The following CNTNAP5 variants were observed in gnomAD, a reference collection of about 807,000 sequenced individuals.
CNTNAP5 encodes contactin associated protein family member 5, also known as contactin-associated protein-like 5.
CNTNAP5 carries 72 observed loss-of-function variants against 150.2 expected under a neutral mutation model. The ratio of observed to expected loss-of-function variants is 0.48; its 90% CI spans 0.40 to 0.58. The LOEUF (loss-of-function observed/expected upper bound fraction) is 0.58. Among genes scored for constraint, CNTNAP5 ranks in the 20% least tolerant of loss-of-function variants. CNTNAP5 has a pLI of 0.00. For missense variants in CNTNAP5, 1,636 were observed against 1,626.2 expected, an observed-to-expected ratio of 1.01 and a Z score of -0.10; for synonymous variants, 672 against 619.8, an observed-to-expected ratio of 1.08 and a Z score of -1.25.
intron 1 of CNTNAP5, among the ~76,000 whole-genome samples, chr2:124,060,761 T>C (rs192207332): frequency 6.6e-6 from 1 of 152,352 alleles, no homozygotes; most frequent in East Asian, 1.9e-4. Flanking sequence ...TGGGGCTTTC[T>C]AGTCAAGCTC....
intron 3 of CNTNAP5, among the ~76,000 whole-genome samples, chr2:124,322,161 TAATAAAATAAAATAAAATAA>T (rs10524229): frequency 0.081 from 12,019 of 149,106 alleles, 518 homozygotes; most frequent in Non-Finnish European, 0.091. Context: ...AAAATAATAA[TAATAAAATAAAATAAAATAA>T]AATAAAATAA....
At chr2:124,224,604 A>G (rs1686411447) in intron 2 of CNTNAP5, among the ~76,000 whole-genome samples, 2 of 152,004 alleles carry the variant, frequency 1.3e-5, no homozygotes, top group South Asian at 4.1e-4. Context: ...GGTTATATAA[A>G]TATATTCATA....
At chr2:124,544,922 G>A (rs1313652064) in intron 10 of CNTNAP5, among the ~76,000 whole-genome samples, 1 of 152,070 alleles carries the variant, frequency 6.6e-6, no homozygotes, top group African/African-American at 2.4e-5. Flanking sequence ...TTCTCCCAAA[G>A]ACAATTACAT....
chr2:124,587,049 A>T (rs898285289), intron 11 of CNTNAP5, among the ~76,000 whole-genome samples: 3 of 152,140 alleles, frequency 2.0e-5, no homozygotes, highest in Non-Finnish European at 4.4e-5. Flanking sequence ...TGTAAAAATG[A>T]AGCTCAACCC....
At chr2:124,750,906 C>CCT (rs1373860702) in intron 14 of CNTNAP5, among the ~76,000 whole-genome samples, 7 of 149,112 alleles carry the variant, frequency 4.7e-5, no homozygotes, top group African/African-American at 1.7e-4. Context: ...ATCACTTGAA[C>CCT]CCAGAAGGTG....
chr2:124,365,814 T>C (rs571487549), intron 3 of CNTNAP5, among the ~76,000 whole-genome samples: 1 of 152,338 alleles, frequency 6.6e-6, no homozygotes. Flanking sequence ...TTAATAAGTG[T>C]ATGCTGAATC....
intron 13 of CNTNAP5, among the ~76,000 whole-genome samples, chr2:124,667,309 C>T (rs1417513481): frequency 1.3e-5 from 2 of 152,194 alleles, no homozygotes; most frequent in African/African-American, 2.4e-5. Flanking sequence ...TTAATGTACA[C>T]GTGTGTACTC....
At chr2:124,873,138 A>G (rs956371566) in intron 21 of CNTNAP5, among the ~76,000 whole-genome samples, 1 of 152,128 alleles carries the variant, frequency 6.6e-6, no homozygotes, top group Non-Finnish European at 1.5e-5. Flanking sequence ...AGCCTCAAGA[A>G]TCTTAAAGTA....
intron 2 of CNTNAP5, among the ~76,000 whole-genome samples, chr2:124,239,430 TAATGATGGTCACA>T (rs1446010952): frequency 6.6e-6 from 1 of 152,164 alleles, no homozygotes; most frequent in Non-Finnish European, 1.5e-5. Context: ...ATTTTAAAAA[TAATGATGGTCACA>T]GAAACAGCAA....
intron 3 of CNTNAP5, among the ~76,000 whole-genome samples, chr2:124,265,167 A>G (rs779974): frequency 0.79 from 120,777 of 152,124 alleles, 48,074 homozygotes; most frequent in South Asian, 0.89. Context: ...TCACACTGTC[A>G]CTTCCCCACC....
intron 6 of CNTNAP5, among the ~76,000 whole-genome samples, chr2:124,461,772 G>A (rs1047524690): frequency 2.0e-5 from 3 of 151,058 alleles, no homozygotes; most frequent in Admixed American, 6.6e-5. Context: ...CAGGAGAATC[G>A]CTGGAAACCA....
intron 1 of CNTNAP5, among the ~76,000 whole-genome samples, chr2:124,061,611 T>A (rs1025631280): frequency 3.3e-5 from 5 of 152,186 alleles, no homozygotes; most frequent in Non-Finnish European, 5.9e-5. Flanking sequence ...ATACATTTCA[T>A]GACTGTAAGA....
intron 21 of CNTNAP5, among the ~76,000 whole-genome samples, chr2:124,880,009 G>A (rs140103014): frequency 6.6e-6 from 1 of 152,130 alleles, no homozygotes; most frequent in African/African-American, 2.4e-5. Context: ...AGAATTCTAG[G>A]TGCTTTCCCA....
intron 7 of CNTNAP5, among the ~76,000 whole-genome samples, chr2:124,488,968 A>G (rs1234515341): frequency 6.6e-6 from 1 of 152,186 alleles, no homozygotes. Flanking sequence ...CAGAGGTGGC[A>G]GGACCTAATT....
chr2:124,654,287 C>G (rs1422231912), intron 13 of CNTNAP5, among the ~76,000 whole-genome samples: 1 of 152,178 alleles, frequency 6.6e-6, no homozygotes, highest in East Asian at 1.9e-4. Flanking sequence ...GCAGAGGATT[C>G]TCTTTCTGTT....
chr2:124,786,430 G>C (rs867640557), intron 17 of CNTNAP5, among the ~76,000 whole-genome samples: 9 of 102,246 alleles, frequency 8.8e-5, no homozygotes, highest in African/African-American at 4.3e-4. Flanking sequence ...AAGGAAGGAA[G>C]GAAGGAAGGA....
chr2:124,709,489 A>G (rs1006171636), intron 13 of CNTNAP5, among the ~76,000 whole-genome samples: 1 of 152,186 alleles, frequency 6.6e-6, no homozygotes, highest in Non-Finnish European at 1.5e-5. Flanking sequence ...AGAGGGAACC[A>G]TTAATGAGTT....
At chr2:124,107,827 A>G (rs1683202492) in intron 1 of CNTNAP5, among the ~76,000 whole-genome samples, 1 of 152,228 alleles carries the variant, frequency 6.6e-6, no homozygotes. Flanking sequence ...ACTGAGGTAC[A>G]GCTTGCTTTT....
In CNTNAP5 at chr2:124,073,747, A is replaced by T. The variant is rs1056980849; in HGVS notation, c.82+48015A>T. 3.3e-5 allele frequency among the ~76,000 whole-genome samples: 5 copies of T among 152,148 alleles called. No homozygotes were observed. The East Asian group carries it at 5.8e-4, about 18-fold the overall frequency. On this transcript the variant is annotated intron_variant, in intron 1 of 23. Coordinates refer to ENST00000682447, the MANE Select transcript of CNTNAP5 (RefSeq NM_001367498.1). Reference sequence around the variant, plus strand: ...CTTATATACGATTCATGGAAATGTTAATTAGTACAACCACTATGGAGAAGG... The same window carrying T: ...CTTATATACGATTCATGGAAATGTTTATTAGTACAACCACTATGGAGAAGG...
Sources: gnomAD v4.1 joint callset for allele counts (sites outside exome capture counted in the v4.1 genomes callset) on GRCh38, gnomAD v4.1.1 for gene constraint, MANE v1.5 for transcripts, NCBI Gene and HGNC (gene_info 2026-07-23, HGNC 2026-07-21) for gene names.